The following ATAD5 variants were observed in gnomAD, a reference collection of about 807,000 sequenced individuals.
ATAD5 encodes the protein ATPase family AAA domain-containing protein 5.
Under a neutral mutation model 176.9 loss-of-function variants are expected in ATAD5, and 58 were observed. The observed-to-expected ratio is 0.33, with a 90% CI of 0.27 to 0.41. The LOEUF (loss-of-function observed/expected upper bound fraction) is 0.41, where lower values mean the gene tolerates loss of function less well. ATAD5 is among the 10% of genes least tolerant of loss of function. ATAD5 has a pLI of 1.00. For missense variants in ATAD5, 1,789 were observed against 2,094.1 expected (o/e 0.85, Z 2.84); for synonymous variants, 640 against 712.6 (o/e 0.90, Z 1.62).
At chr17:30,848,907 G>C (rs1386860058) in intron 6 of ATAD5, among the ~76,000 whole-genome samples, 1 of 151,992 alleles carries the variant, frequency 6.6e-6, no homozygotes, top group Non-Finnish European at 1.5e-5. Context: ...GTCTCGCTCT[G>C]TCGCCCAGAC....
intron 18 of ATAD5, among the ~76,000 whole-genome samples, chr17:30,882,274 C>G (rs1909072628): frequency 6.7e-6 from 1 of 149,774 alleles, no homozygotes; most frequent in Non-Finnish European, 1.5e-5. Context: ...AAAAAATTGT[C>G]TAAACAGGCT....
chr17:30,879,852 G>A (rs951943801), intron 18 of ATAD5, among the ~76,000 whole-genome samples: 2 of 151,836 alleles, frequency 1.3e-5, no homozygotes, highest in Non-Finnish European at 2.9e-5. Flanking sequence ...GTGAGCCACT[G>A]CGCCCGGTCC....
intron 3 of ATAD5, among the ~76,000 whole-genome samples, chr17:30,839,177 C>T (rs1170247385): frequency 2.0e-5 from 3 of 152,126 alleles, no homozygotes; most frequent in African/African-American, 7.2e-5. Context: ...AACTGGTTCC[C>T]CTAAGAGCCC....
chr17:30,836,379 G>A (rs1229962143), intron 2 of ATAD5, among the ~76,000 whole-genome samples: 3 of 151,688 alleles, frequency 2.0e-5, no homozygotes, highest in Non-Finnish European at 4.4e-5. Context: ...GGGTTTCACC[G>A]TGTTGGTCAG....
At chr17:30,858,551 A>G (rs1305248354) in intron 9 of ATAD5, among the ~76,000 whole-genome samples, 1 of 150,512 alleles carries the variant, frequency 6.6e-6, no homozygotes, top group African/African-American at 2.5e-5. Context: ...ACGCCCTGCT[A>G]ATTTTTGTAT....
At chr17:30,839,902 A>G (rs1406846090) in intron 3 of ATAD5, among the ~76,000 whole-genome samples, 1 of 151,894 alleles carries the variant, frequency 6.6e-6, no homozygotes, top group Non-Finnish European at 1.5e-5. Context: ...TCTTTATCAT[A>G]TATAAGAAGC....
chr17:30,881,381 C>T (rs945530039), intron 18 of ATAD5, among the ~76,000 whole-genome samples: 1 of 152,160 alleles, frequency 6.6e-6, no homozygotes, highest in Admixed American at 6.6e-5. Context: ...TTCACTACAA[C>T]CTCCAACTCC....
At chr17:30,861,798 C>G (rs1033009530) in intron 10 of ATAD5, 1 of 152,036 alleles carries the variant, frequency 6.6e-6, no homozygotes, top group Non-Finnish European at 1.5e-5. Context: ...AGGCATGAGC[C>G]ACTGCACCCG....
intron 11 of ATAD5, among the ~76,000 whole-genome samples, chr17:30,866,897 A>T (rs1908022733): frequency 1.3e-5 from 2 of 152,198 alleles, no homozygotes; most frequent in African/African-American, 4.8e-5. Context: ...ATTATGTAAT[A>T]TGCAGTATAT....
chr17:30,867,056 CT>C (rs60477859), intron 11 of ATAD5, among the ~76,000 whole-genome samples: 617 of 142,572 alleles, frequency 4.3e-3, no homozygotes, highest in Middle Eastern at 0.011. Context: ...TTCCTTCTTT[CT>C]TTTTTTTTTT....
At chr17:30,884,432 T>C (rs1326821139) in intron 18 of ATAD5, among the ~76,000 whole-genome samples, 12 of 138,170 alleles carry the variant, frequency 8.7e-5, no homozygotes, top group Admixed American at 6.4e-4. Flanking sequence ...TTCTTTTTTT[T>C]TTTTTTTTTT....
At chr17:30,885,116 T>C (rs1567698930) in intron 18 of ATAD5, among the ~76,000 whole-genome samples, 2 of 152,226 alleles carry the variant, frequency 1.3e-5, no homozygotes, top group Non-Finnish European at 2.9e-5. Context: ...TTGTCGTTGC[T>C]AAATTCTCTT....
chr17:30,872,520 C>T (rs1908392379), intron 14 of ATAD5, among the ~76,000 whole-genome samples: 1 of 151,164 alleles, frequency 6.6e-6, no homozygotes, highest in Non-Finnish European at 1.5e-5. Flanking sequence ...GCTTGGCCTC[C>T]TCAGGTTTCT....
chr17:30,839,862 G>C (rs935894037), intron 3 of ATAD5, among the ~76,000 whole-genome samples: 3 of 151,560 alleles, frequency 2.0e-5, no homozygotes, highest in African/African-American at 7.3e-5. Flanking sequence ...TGGAATTAGA[G>C]GCATGAGCCA....
At chr17:30,888,373 G>A (rs55904046) in intron 19 of ATAD5, among the ~76,000 whole-genome samples, 15,946 of 151,826 alleles carry the variant, frequency 0.11, 950 homozygotes, top group South Asian at 0.24. Context: ...GCAACATGGC[G>A]AAACCCCATC....
rs1235566732 is a variant in ATAD5 at position 30,895,848 on chromosome 17, G to C, written c.*935G>C. On this transcript the variant is annotated 3_prime_UTR_variant, in exon 23 of 23. Transcript: ENST00000321990. ...ATCTAATTAAAGGTTAAAGCTAAAG[G>C]CTTTATGAAATGTTTAAAAAAGAGT... The C allele has an allele frequency of 6.6e-6, 1 of 151,894 alleles. No homozygotes were observed. The highest frequency in any genetic ancestry group is 1.5e-5 in the Non-Finnish European group (1 of 67,988). The allele number at this position is 151,894 out of a possible 1,614,324, so 9.4% of individuals were successfully genotyped here.
At chr17:30,848,192 G>T (rs1273084792) in intron 6 of ATAD5, among the ~76,000 whole-genome samples, 1 of 152,006 alleles carries the variant, frequency 6.6e-6, no homozygotes, top group East Asian at 1.9e-4. Context: ...ACTCCCACCA[G>T]CAATGTATAA....
intron 19 of ATAD5, 135 bp from the exon 20 acceptor site, chr17:30,892,472 G>T (rs1425178966): frequency 6.0e-5 from 24 of 399,240 alleles, no homozygotes; most frequent in East Asian, 1.2e-4. Context: ...TACTCTTAAT[G>T]AATTAAACAC....
chr17:30,881,013 T>C (rs1468140336), intron 18 of ATAD5, among the ~76,000 whole-genome samples: 1 of 151,966 alleles, frequency 6.6e-6, no homozygotes, highest in Non-Finnish European at 1.5e-5. Context: ...CTTACGATGA[T>C]GAACAAGGCA....
Sources: gnomAD v4.1 joint callset for allele counts (sites outside exome capture counted in the v4.1 genomes callset) on GRCh38, gnomAD v4.1.1 for gene constraint, MANE v1.5 for transcripts, NCBI Gene and HGNC (gene_info 2026-07-23, HGNC 2026-07-21) for gene names.